The following CCDC69 variants were observed in gnomAD, a reference collection of about 807,000 sequenced individuals.
CCDC69 encodes the protein coiled-coil domain-containing protein 69.
CCDC69 carries 38 observed loss-of-function variants against 40.3 expected under a neutral mutation model. The observed-to-expected ratio is 0.94, with a 90% CI of 0.73 to 1.24. The LOEUF (loss-of-function observed/expected upper bound fraction) is 1.24, where lower values mean the gene tolerates loss of function less well. Ranked by LOEUF, CCDC69 falls within the 50% of genes most tolerant of loss-of-function variation. CCDC69 has a pLI of 0.00. For missense variants in CCDC69, 389 were observed against 357.9 expected, an observed-to-expected ratio of 1.09 and a Z score of -0.70; for synonymous variants, 141 against 138.9, an observed-to-expected ratio of 1.02 and a Z score of -0.11.
In CCDC69 at chr5:151,223,965, GC is replaced by G; in HGVS notation, c.5del (p.Gly2AlafsTer7). ...AGCTGCTCAGCCTGCTGTGTCTGCA[GC>G]CCATCCTCCTCCGGGGGCTCCCGGA... M[G>X]CRHSRLSSCK... On this transcript the variant is annotated frameshift_variant, in exon 1 of 9. Coordinates refer to ENST00000355417, the MANE Select transcript of CCDC69 (RefSeq NM_015621.3). LOFTEE classifies it high-confidence loss of function. 6.4e-7 allele frequency: 1 copy of G among 1,565,282 alleles called. No homozygotes were observed.
chr5:151,221,884 A>G (rs778443199), intron 1 of CCDC69, among the ~76,000 whole-genome samples: 1 of 152,232 alleles, frequency 6.6e-6, no homozygotes, highest in Non-Finnish European at 1.5e-5. Context: ...CATGCCTTCC[A>G]AGGGGTTGGC....
Position 151,185,412 on chromosome 5 carries a change from A to T in CCDC69, c.615+10T>A, listed in dbSNP as rs2288818. On this transcript the variant is annotated intron_variant, in intron 7 of 8. Coordinates refer to ENST00000355417, the MANE Select transcript of CCDC69 (RefSeq NM_015621.3). ...GAGGCTGCATCCCCCAGCCACTCCC[A>T]GTCACAGACCACTGTTTCCATGAGG... 1 of 1,613,440 alleles carries T rather than the reference A, an allele frequency of 6.2e-7. No homozygotes were observed. The highest frequency in any genetic ancestry group is 1.3e-5 in the African/African-American group (1 of 75,012).
At chr5:151,202,637 G>A (rs886430745) in intron 2 of CCDC69, among the ~76,000 whole-genome samples, 2 of 152,180 alleles carry the variant, frequency 1.3e-5, no homozygotes, top group African/African-American at 4.8e-5. Context: ...TGGGGCCCAT[G>A]AGCATCTGAG....
At chr5:151,185,767 C>CT (rs1474290255) in intron 6 of CCDC69, among the ~76,000 whole-genome samples, 1 of 152,242 alleles carries the variant, frequency 6.6e-6, no homozygotes, top group Non-Finnish European at 1.5e-5. Flanking sequence ...GTCACTTGTG[C>CT]TAAGTGGCAG....
chr5:151,200,513 A>C (rs986092489), intron 3 of CCDC69, among the ~76,000 whole-genome samples: 1 of 152,224 alleles, frequency 6.6e-6, no homozygotes, highest in African/African-American at 2.4e-5. Context: ...ATTTAAACTA[A>C]AGAAAATTTA....
chr5:151,185,690 C>G lies in CCDC69; in HGVS notation c.496-149G>C, dbSNP rs1262542125. On this transcript the variant is annotated intron_variant, in intron 6 of 8. Transcript: ENST00000355417. ...TTTAATATGCTTTATCTCCCTGTAT[C>G]CGAATATCACCTTTTGAGACATGTG... 3 of 803,394 alleles carry G rather than the reference C, an allele frequency of 3.7e-6. No homozygotes were observed. In the African/African-American group the frequency reaches 5.1e-5, roughly 14 times the overall value. The allele number at this position is 803,394 out of a possible 1,614,324, so 49.8% of individuals were successfully genotyped here. A position where few individuals can be genotyped will look rare whatever the true frequency, so the allele number is the denominator to read the frequency against.
intron 4 of CCDC69, among the ~76,000 whole-genome samples, chr5:151,193,969 A>G (rs1343030859): frequency 6.6e-6 from 1 of 152,248 alleles, no homozygotes; most frequent in Non-Finnish European, 1.5e-5. Flanking sequence ...ACAGCAAATA[A>G]GCACATGAGT....
intron 4 of CCDC69, among the ~76,000 whole-genome samples, chr5:151,197,510 G>A (rs571150581): frequency 3.2e-4 from 48 of 152,126 alleles, no homozygotes; most frequent in African/African-American, 1.0e-3. Context: ...GCAACAGAGC[G>A]AGACCCTGTC....
chr5:151,217,205 T>C (rs1161695251), intron 1 of CCDC69, among the ~76,000 whole-genome samples: 3 of 152,146 alleles, frequency 2.0e-5, no homozygotes, highest in African/African-American at 4.8e-5. Context: ...TATATATCAA[T>C]AAAAAATATA....
chr5:151,205,255 C>T lies in CCDC69; in HGVS notation c.124+145G>A, dbSNP rs73796629. 6,193 of 713,594 alleles carry T rather than the reference C, an allele frequency of 8.7e-3. 248 individuals carry two copies. The African/African-American group carries it at 0.096, about 11-fold the overall frequency. 44.2% of individuals were successfully genotyped at this position (713,594 alleles called of 1,614,324 possible). On this transcript the variant is annotated intron_variant, in intron 2 of 8. Coordinates refer to ENST00000355417, the MANE Select transcript of CCDC69 (RefSeq NM_015621.3). ...AGCACAGGTCAGGACTATTAATTAC[C>T]TCCCTGATTTTAGACACGATACTCC...
chr5:151,200,089 C>T (rs958623058), intron 3 of CCDC69, among the ~76,000 whole-genome samples: 1 of 151,982 alleles, frequency 6.6e-6, no homozygotes, highest in Non-Finnish European at 1.5e-5. Context: ...GAAAATCTTT[C>T]AGTAATAAAT....
chr5:151,195,166 A>G (rs1752679836), intron 4 of CCDC69, among the ~76,000 whole-genome samples: 1 of 152,212 alleles, frequency 6.6e-6, no homozygotes, highest in African/African-American at 2.4e-5. Flanking sequence ...CAATTTAAAA[A>G]TAACTATAGA....
intron 1 of CCDC69, among the ~76,000 whole-genome samples, chr5:151,208,339 G>A (rs1244058644): frequency 6.6e-6 from 1 of 152,228 alleles, no homozygotes; most frequent in Admixed American, 6.5e-5. Flanking sequence ...CTAAACTGAA[G>A]AACCACTGAA....
At chr5:151,198,367 ATATCTATC>A (rs528235940) in intron 4 of CCDC69, among the ~76,000 whole-genome samples, 264 of 151,732 alleles carry the variant, frequency 1.7e-3, no homozygotes, top group African/African-American at 5.9e-3. Context: ...GGAAAGTTTG[ATATCTATC>A]TATCTATCTA....
rs1434615555 is a variant in CCDC69, at chr5:151,182,537, A to C, written c.*900T>G. ...AGAGAAAAACAGAGCAAAGGATAAG[A>C]CCCGGATGACAGATGAGATCTAGAT... On this transcript the variant is annotated 3_prime_UTR_variant, in exon 9 of 9. Transcript: ENST00000355417. 1 of 158,212 alleles carries C rather than the reference A, an allele frequency of 6.3e-6. No individual in the cohort carries two copies. Among genetic ancestry groups the C allele is most frequent in the Non-Finnish European group, 1.4e-5 (1 of 71,370 alleles). The allele number at this position is 158,212 out of a possible 1,614,324, so 9.8% of individuals were successfully genotyped here. A position where few individuals can be genotyped will look rare whatever the true frequency, so the allele number is the denominator to read the frequency against.
intron 7 of CCDC69, 119 bp from the exon 8 acceptor site, chr5:151,184,560 A>G: frequency 1.6e-6 from 1 of 622,164 alleles, no homozygotes; most frequent in Non-Finnish European, 2.9e-6. Context: ...TAGATGTTAC[A>G]TTTCATGGAG....
chr5:151,208,195 G>A (rs1406183197), intron 1 of CCDC69, among the ~76,000 whole-genome samples: 1 of 152,204 alleles, frequency 6.6e-6, no homozygotes, highest in Admixed American at 6.5e-5. Context: ...AAGTTGCAGT[G>A]AGCCAAGATC....
At chr5:151,195,718 C>A (rs1192232294) in intron 4 of CCDC69, among the ~76,000 whole-genome samples, 131 of 60,436 alleles carry the variant, frequency 2.2e-3, no homozygotes, top group East Asian at 4.8e-3. Context: ...GACTCCATCT[C>A]AAAAAAAAAA....
rs151075140 is a variant in CCDC69, at chr5:151,216,406, A to T, written c.48+7517T>A. ...TTTACATTTTACCTAAATTATTAGG[A>T]TTTTTTTTTTTTTTTTTTTTTTTTG... On this transcript the variant is annotated intron_variant, in intron 1 of 8. Transcript: ENST00000355417. Among the ~76,000 whole-genome samples the T allele has an allele frequency of 8.5e-3, 986 of 116,294 alleles. 22 individuals are homozygous for T. Among genetic ancestry groups the T allele is most frequent in the African/African-American group, 0.031 (906 of 28,996 alleles). 76.3% of individuals were successfully genotyped at this position (116,294 alleles called of 152,430 possible).
Sources: allele counts gnomAD v4.1 joint callset (sites outside exome capture counted in the v4.1 genomes callset), GRCh38; gene constraint gnomAD v4.1.1; transcripts MANE v1.5; gene names NCBI Gene and HGNC (gene_info 2026-07-23, HGNC 2026-07-21).